Variants in NPTXR observed in about 807,000 individuals in gnomAD.
NPTXR encodes the protein neuronal pentraxin receptor.
NPTXR carries 12 observed loss-of-function variants against 32.2 expected under a neutral mutation model. That is an observed-to-expected ratio of 0.37 (90% CI 0.24 to 0.60). The LOEUF is 0.60. Among genes scored for constraint, NPTXR ranks in the 20% least tolerant of loss-of-function variants. The pLI is 0.66. For synonymous variants in NPTXR, 323 were observed against 315.8 expected, an observed-to-expected ratio of 1.02 and a Z score of -0.24; for missense variants, 612 against 682.9, an observed-to-expected ratio of 0.90 and a Z score of 1.16.
Position 38,822,217 on chromosome 22 carries a change from G to C in NPTXR, c.*392C>G. The C allele has an allele frequency of 4.0e-6, 1 of 249,372 alleles. No homozygotes were observed. Among genetic ancestry groups the C allele is most frequent in the South Asian group, 5.7e-5 (1 of 17,566 alleles). The allele number at this position is 249,372 out of a possible 1,614,324, so 15.4% of individuals were successfully genotyped here. A position where few individuals can be genotyped will look rare whatever the true frequency, so the allele number is the denominator to read the frequency against. On this transcript the variant is annotated 3_prime_UTR_variant, in exon 5 of 5. Coordinates refer to ENST00000333039, the MANE Select transcript of NPTXR (RefSeq NM_014293.4). ...AAGCCACTGGGCCTGTTGCATGGGG[G>C]ACAAGGGGGCGGGCGGCCACCCCCA... is the stretch of plus-strand genomic sequence containing the variant.
At chr22:38,831,186 C>G (rs144864304) in intron 1 of NPTXR, among the ~76,000 whole-genome samples, 4 of 152,166 alleles carry the variant, frequency 2.6e-5, no homozygotes, top group African/African-American at 9.7e-5. Context: ...CCAAGACAGG[C>G]GCTTGAGCCC....
chr22:38,836,374 G>A (rs557779696), intron 1 of NPTXR, among the ~76,000 whole-genome samples: 5 of 152,326 alleles, frequency 3.3e-5, no homozygotes, highest in South Asian at 4.1e-4. Flanking sequence ...ACAGAAGAAC[G>A]GGTAAATGAA....
At chr22:38,831,880 G>A (rs1369091107) in intron 1 of NPTXR, among the ~76,000 whole-genome samples, 2 of 152,050 alleles carry the variant, frequency 1.3e-5, no homozygotes, top group African/African-American at 2.4e-5. Context: ...GGCACTCTTC[G>A]TATCCCCATT....
At chr22:38,835,428 T>C (rs1383096378) in intron 1 of NPTXR, among the ~76,000 whole-genome samples, 1 of 152,208 alleles carries the variant, frequency 6.6e-6, no homozygotes, top group Non-Finnish European at 1.5e-5. Flanking sequence ...AGGTTGGTTT[T>C]GATCATCCTG....
chr22:38,843,238 C>T lies in NPTXR; in HGVS notation c.621G>A (p.Leu207=). 1 of 1,385,208 alleles carries T rather than the reference C, an allele frequency of 7.2e-7. No homozygotes were observed. Among genetic ancestry groups the T allele is most frequent in the South Asian group, 1.6e-5 (1 of 62,184 alleles). The allele number at this position is 1,385,208 out of a possible 1,614,324, so 85.8% of individuals were successfully genotyped here. A position where few individuals can be genotyped will look rare whatever the true frequency, so the allele number is the denominator to read the frequency against. The change falls in exon 1 of 5, where the codon CTG becomes CTA. Residue 207 remains leucine, a synonymous_variant. Coordinates refer to ENST00000333039, the MANE Select transcript of NPTXR (RefSeq NM_014293.4). This position sits in a 1 kb window ranked among gnomAD's most constrained non-coding sequence, Gnocchi z 5.3. ...CCCGACGGCGCGCGGCGCTCACCTC[C>T]AGGCGGTCGATGCGGTCCCGCAGGG...
rs745854620 is a variant in NPTXR at position 38,819,377 on chromosome 22, C to T, written c.*3232G>A. ...GCTGAGCCCCCTGGCACGGCTTCAC[C>T]AAGGGGACCCTGGCCCTGGGGCTGG... On this transcript the variant is annotated 3_prime_UTR_variant, in exon 5 of 5. Transcript: ENST00000333039. The T allele has an allele frequency of 3.3e-5, 5 of 152,560 alleles. No homozygotes were observed. Among genetic ancestry groups the T allele is most frequent in the Non-Finnish European group, 4.4e-5 (3 of 68,284 alleles). 9.5% of individuals were successfully genotyped at this position (152,560 alleles called of 1,614,324 possible).
rs554147764 is a variant in NPTXR at position 38,828,923 on chromosome 22, C to T, written c.625-411G>A. 4.6e-5 allele frequency among the ~76,000 whole-genome samples: 7 copies of T among 152,354 alleles called. No individual in the cohort carries two copies. The East Asian group carries it at 1.3e-3, about 29-fold the overall frequency. ...GGCGGACCATCTTAGTCTTCATTCC[C>T]TCACTCAGCAAGCTTCTCTAGAACG... On this transcript the variant is annotated intron_variant, in intron 1 of 4. Transcript: ENST00000333039.
In NPTXR at chr22:38,843,978, A is replaced by T; in HGVS notation, c.-120T>A. The T allele has an allele frequency of 2.4e-6, 1 of 423,660 alleles. No individual in the cohort carries two copies. Among genetic ancestry groups the T allele is most frequent in the Non-Finnish European group, 3.1e-6 (1 of 319,090 alleles). The allele number at this position is 423,660 out of a possible 1,614,324, so 26.2% of individuals were successfully genotyped here. A position where few individuals can be genotyped will look rare whatever the true frequency, so the allele number is the denominator to read the frequency against. On this transcript the variant is annotated 5_prime_UTR_variant, in exon 1 of 5. Transcript: ENST00000333039. The surrounding 1 kb of genome is among the most constrained non-coding windows in gnomAD (Gnocchi z 5.3). Reference sequence around the variant, plus strand: ...GCGCGGGAGCCGGAGCCGGAGCCGGAGCCGGAGCCGGAGCTGGAGCTGTCG... The same window carrying T: ...GCGCGGGAGCCGGAGCCGGAGCCGGTGCCGGAGCCGGAGCTGGAGCTGTCG...
In NPTXR at chr22:38,819,948, C is replaced by T. The variant is rs1860565389; in HGVS notation, c.*2661G>A. On this transcript the variant is annotated 3_prime_UTR_variant, in exon 5 of 5. Transcript: ENST00000333039. ...TTGGACGTCAGAGGTCTCATCTTCA[C>T]TGTGACAAAGCATAAAGGACTTGGG... is the stretch of plus-strand genomic sequence containing the variant. 2 of 152,648 alleles carry T rather than the reference C, an allele frequency of 1.3e-5. No individual in the cohort carries two copies. The highest frequency in any genetic ancestry group is 6.5e-5 in the Admixed American group (1 of 15,278). 9.5% of individuals were successfully genotyped at this position (152,648 alleles called of 1,614,324 possible).
intron 1 of NPTXR, among the ~76,000 whole-genome samples, chr22:38,842,138 T>G (rs2093132542): frequency 6.6e-6 from 1 of 152,286 alleles, no homozygotes; most frequent in South Asian, 2.1e-4. Context: ...AGGATTTAAC[T>G]TAAAAAGCCC....
Position 38,843,549 on chromosome 22 carries a change from G to A in NPTXR, c.310C>T (p.Pro104Ser), listed in dbSNP as rs774816033. Residue 104 changes from proline to serine, a missense_variant, in exon 1 of 5, where the codon CCG (proline) becomes TCG (serine). Physicochemically the swap from Pro to Ser is moderately conservative, Grantham distance 74. Transcript: ENST00000333039. This position sits in a 1 kb window ranked among gnomAD's most constrained non-coding sequence, Gnocchi z 5.3. ...GCGTCCCCCTGCTGGGCCCCCGACG[G>A]GCAGGCAGCAGCCAGCGGCGTGCAC... 3.9e-5 allele frequency: 49 copies of A among 1,243,170 alleles called. No individual in the cohort carries two copies. Among genetic ancestry groups the A allele is most frequent in the Non-Finnish European group, 4.5e-5 (45 of 995,022 alleles). 77.0% of individuals were successfully genotyped at this position (1,243,170 alleles called of 1,614,324 possible).
chr22:38,833,248 C>T (rs1271996255), intron 1 of NPTXR, among the ~76,000 whole-genome samples: 1 of 152,228 alleles, frequency 6.6e-6, no homozygotes, highest in South Asian at 2.1e-4. Context: ...GGCCAGACCA[C>T]CAGGTTTTGC....
intron 1 of NPTXR, among the ~76,000 whole-genome samples, chr22:38,841,921 G>A (rs905430247): frequency 2.0e-5 from 3 of 152,186 alleles, no homozygotes; most frequent in African/African-American, 7.2e-5. Context: ...TATGGGCCCG[G>A]CTTTTCTCCT....
rs1253956717 is a variant in NPTXR at position 38,834,564 on chromosome 22, G to A, written c.625-6052C>T. ...AGGGCCCTGAGAGCTTCTCTGGCAG[G>A]GCTGCAGAGCACTCATCCATCCATC... On this transcript the variant is annotated intron_variant, in intron 1 of 4. Transcript: ENST00000333039. This position sits in a 1 kb window ranked among gnomAD's most constrained non-coding sequence, Gnocchi z 4.4. 6.6e-6 allele frequency among the ~76,000 whole-genome samples: 1 copy of A among 150,416 alleles called. No homozygotes were observed. Among genetic ancestry groups the A allele is most frequent in the African/African-American group, 2.5e-5 (1 of 40,640 alleles).
At position 38,828,369 on chromosome 22, in the gene NPTXR, G is replaced by A; in HGVS notation, c.768C>T (p.Leu256=). 3 of 1,612,872 alleles carry A rather than the reference G, an allele frequency of 1.9e-6. No individual in the cohort carries two copies. Among genetic ancestry groups the A allele is most frequent in the Admixed American group, 3.3e-5 (2 of 60,032 alleles). ...GCCTCTGCCGGCGGCTGCTGTGGCT[G>A]AGGGCCACACGCTCCTTCTCCAGTG... The change falls in exon 2 of 5, where the codon CTC becomes CTT. Residue 256 remains leucine, a synonymous_variant. Transcript: ENST00000333039.
chr22:38,827,025 G>A (rs2093108236), intron 2 of NPTXR, among the ~76,000 whole-genome samples: 1 of 152,232 alleles, frequency 6.6e-6, no homozygotes, highest in East Asian at 1.9e-4. Context: ...GGGTAGACAG[G>A]CCAGAGGCAG....
chr22:38,838,117 A>C (rs974412424), intron 1 of NPTXR, among the ~76,000 whole-genome samples: 3 of 152,166 alleles, frequency 2.0e-5, no homozygotes, highest in African/African-American at 7.2e-5. Context: ...TTGGCCTCCC[A>C]AAGTGCTGGG....
intron 2 of NPTXR, among the ~76,000 whole-genome samples, chr22:38,827,988 T>C (rs1299564270): frequency 6.6e-6 from 1 of 152,252 alleles, no homozygotes; most frequent in Admixed American, 6.5e-5. Flanking sequence ...CTTGAGCATG[T>C]CACTTGACTT....
chr22:38,841,980 G>A (rs538113970), intron 1 of NPTXR, among the ~76,000 whole-genome samples: 3 of 152,244 alleles, frequency 2.0e-5, no homozygotes, highest in South Asian at 2.1e-4. Context: ...TTTCTCATCC[G>A]TAAGGTGAGG....
Sources: allele counts gnomAD v4.1 joint callset (sites outside exome capture counted in the v4.1 genomes callset), GRCh38; gene constraint gnomAD v4.1.1; non-coding constraint Gnocchi (gnomAD v3.1); transcripts MANE v1.5; gene names NCBI Gene and HGNC (gene_info 2026-07-23, HGNC 2026-07-21).